The following DCLRE1C variants were observed in gnomAD, a reference collection of about 807,000 sequenced individuals.
DCLRE1C encodes protein artemis.
In DCLRE1C, 47 loss-of-function variants were observed where a neutral mutation model predicts 61.4. The observed-to-expected ratio is 0.77, with a 90% confidence interval of 0.61 to 0.98. DCLRE1C has a LOEUF of 0.98. Among genes scored for constraint, DCLRE1C ranks in the 50% least tolerant of loss-of-function variants. The pLI, the probability that DCLRE1C is intolerant of heterozygous loss-of-function variation, is 0.00. For synonymous variants in DCLRE1C, 337 were observed against 287.6 expected (o/e 1.17, Z -1.74); for missense variants, 858 against 816.0 (o/e 1.05, Z -0.63).
At chr10:14,951,746 T>C (rs1163798737) in intron 1 of DCLRE1C, among the ~76,000 whole-genome samples, 2 of 152,132 alleles carry the variant, frequency 1.3e-5, no homozygotes, top group Non-Finnish European at 2.9e-5. Flanking sequence ...CTCTTCCTTC[T>C]CTTGTAAGGA....
chr10:14,929,096 C>A (rs190394333), intron 9 of DCLRE1C, among the ~76,000 whole-genome samples: 1 of 152,272 alleles, frequency 6.6e-6, no homozygotes, highest in East Asian at 1.9e-4. Flanking sequence ...ACCAGTCTTA[C>A]AACTTTACTG....
chr10:14,934,063 C>G (rs41297038), intron 8 of DCLRE1C, among the ~76,000 whole-genome samples: 12,315 of 152,114 alleles, frequency 0.081, 658 homozygotes, highest in Non-Finnish European at 0.11. Flanking sequence ...AACACTGGCT[C>G]AGGCCTATAA....
intron 13 of DCLRE1C, among the ~76,000 whole-genome samples, chr10:14,915,116 A>G (rs931837209): frequency 1.3e-5 from 2 of 149,890 alleles, no homozygotes; most frequent in African/African-American, 4.8e-5. Context: ...TTGAATGACA[A>G]TGAAAACAAG....
Position 14,904,785 on chromosome 10 carries a change from T to C in DCLRE1C, c.*3623A>G, listed in dbSNP as rs1293218197. ...GTCAACATTTAGCTTATCCATCATA[T>C]TGGTTTCCTGAAGATGTCAGAATTT... On this transcript the variant is annotated 3_prime_UTR_variant, in exon 14 of 14. Coordinates refer to ENST00000378278, the MANE Select transcript of DCLRE1C (RefSeq NM_001033855.3). 6.6e-6 allele frequency among the ~76,000 whole-genome samples: 1 copy of C among 152,200 alleles called. No homozygotes were observed. Among genetic ancestry groups the C allele is most frequent in the African/African-American group, 2.4e-5 (1 of 41,448 alleles).
chr10:14,933,765 A>T (rs41297946), intron 8 of DCLRE1C, among the ~76,000 whole-genome samples: 1 of 152,194 alleles, frequency 6.6e-6, no homozygotes, highest in Non-Finnish European at 1.5e-5. Context: ...GGTCACAATC[A>T]CTAAATTTAT....
chr10:14,944,393 G>C (rs1379181149), intron 3 of DCLRE1C, among the ~76,000 whole-genome samples: 3 of 152,060 alleles, frequency 2.0e-5, no homozygotes, highest in East Asian at 3.9e-4. Flanking sequence ...CAGCTACTTG[G>C]GAGGCTGAGG....
At chr10:14,899,554 G>A in intron 13 of DCLRE1C, 1 of 1,613,966 alleles carries the variant, frequency 6.2e-7, no homozygotes, top group Non-Finnish European at 8.5e-7. Flanking sequence ...CACAAGTGAA[G>A]AAGCTGAAAG....
intron 13 of DCLRE1C, among the ~76,000 whole-genome samples, chr10:14,913,343 T>C (rs556809573): frequency 1.2e-4 from 18 of 152,260 alleles, no homozygotes; most frequent in Non-Finnish European, 2.6e-4. Flanking sequence ...TCTGTTATAC[T>C]AACAGTCGTG....
intron 13 of DCLRE1C, chr10:14,899,553 A>G: frequency 6.2e-7 from 1 of 1,613,970 alleles, no homozygotes; most frequent in Non-Finnish European, 8.5e-7. Flanking sequence ...TCACAAGTGA[A>G]GAAGCTGAAA....
chr10:14,909,671 G>A (rs975369004), intron 13 of DCLRE1C, among the ~76,000 whole-genome samples: 1 of 151,958 alleles, frequency 6.6e-6, no homozygotes, highest in Non-Finnish European at 1.5e-5. Context: ...AGGAAGATAG[G>A]ACCAAATAAT....
intron 1 of DCLRE1C, among the ~76,000 whole-genome samples, chr10:14,951,714 G>A (rs958687357): frequency 6.6e-6 from 1 of 152,058 alleles, no homozygotes; most frequent in South Asian, 2.1e-4. Flanking sequence ...CCTAGGCCCC[G>A]CATGAGGACA....
intron 2 of DCLRE1C, 74 bp from the exon 3 acceptor site, chr10:14,945,263 A>G: frequency 6.8e-7 from 1 of 1,477,112 alleles, no homozygotes; most frequent in Non-Finnish European, 9.3e-7. Context: ...AATCTATTTC[A>G]TCATACATCT....
Position 14,934,469 on chromosome 10 carries a change from T to G in DCLRE1C, c.589A>C (p.Ser197Arg). 1.2e-6 allele frequency: 2 copies of G among 1,614,140 alleles called. No homozygotes were observed. The highest frequency in any genetic ancestry group is 4.5e-5 in the East Asian group (2 of 44,880). Residue 197 changes from serine to arginine, a missense_variant, in exon 8 of 14, where the codon AGC becomes CGC. This residue lies in a region of DCLRE1C where 843 missense variants were observed against 783.5 expected (regional missense o/e 1.08). Coordinates refer to ENST00000378278, the MANE Select transcript of DCLRE1C (RefSeq NM_001033855.3). Reference protein sequence around the residue: ...LELVRSWITRSPYHVVWLNCK... With the variant: ...LELVRSWITRRPYHVVWLNCK... ...TTCAGCCACACAACATGGTACGGGCTCCGAGTGATCCAGCTTCGGACCAGC... is the reference window on the plus strand; with the variant it reads ...TTCAGCCACACAACATGGTACGGGCGCCGAGTGATCCAGCTTCGGACCAGC...
At chr10:14,944,370 G>C (rs1841339868) in intron 3 of DCLRE1C, among the ~76,000 whole-genome samples, 1 of 151,988 alleles carries the variant, frequency 6.6e-6, no homozygotes, top group Non-Finnish European at 1.5e-5. Flanking sequence ...ATGGTGGTGG[G>C]ATTCTGTAGT....
intron 5 of DCLRE1C, 106 bp downstream of exon 5, chr10:14,936,432 G>A (rs569303342): frequency 3.6e-6 from 3 of 843,102 alleles, no homozygotes; most frequent in South Asian, 2.9e-5. Context: ...ACAGACATGT[G>A]CCACTGCACC....
intron 1 of DCLRE1C, among the ~76,000 whole-genome samples, chr10:14,952,346 G>A (rs1382425973): frequency 3.9e-5 from 6 of 152,158 alleles, no homozygotes; most frequent in African/African-American, 1.4e-4. Flanking sequence ...TAACACTTTG[G>A]GAGGCTGAGG....
chr10:14,935,395 C>A (rs139865553), intron 6 of DCLRE1C, 68 bp downstream of exon 6: 1 of 1,538,616 alleles, frequency 6.5e-7, no homozygotes, highest in South Asian at 1.1e-5. Flanking sequence ...GAACTCTGGG[C>A]GACACAGCAA....
Position 14,908,182 on chromosome 10 carries a change from TTTTTTG to T in DCLRE1C, c.*220_*225del. ...ATGCCTGGCTTTTTTTTTTTTTTTT[TTTTTTG>T]TAAGTAGAGACACATTTCACTGTGT... On this transcript the variant is annotated 3_prime_UTR_variant, in exon 14 of 14. Coordinates refer to ENST00000378278, the MANE Select transcript of DCLRE1C (RefSeq NM_001033855.3). 1 of 282,070 alleles carries T rather than the reference TTTTTTG, an allele frequency of 3.5e-6. No homozygotes were observed. Among genetic ancestry groups the T allele is most frequent in the Non-Finnish European group, 6.2e-6 (1 of 160,060 alleles). The allele number at this position is 282,070 out of a possible 1,614,324, so 17.5% of individuals were successfully genotyped here.
At position 14,927,568 on chromosome 10, in the gene DCLRE1C, G is replaced by A. The variant is rs138759908; in HGVS notation, c.917+448C>T. 8.2e-3 allele frequency among the ~76,000 whole-genome samples: 1,186 copies of A among 145,288 alleles called. 23 individuals are homozygous for A. Among genetic ancestry groups the A allele is most frequent in the African/African-American group, 0.028 (1,092 of 38,450 alleles). Reference sequence around the variant, plus strand: ...TAGCCAAGCACTCAGATGGGAGGGAGGGAGTGGGGGGGGAGAAAGGAGAGG... The same window carrying A: ...TAGCCAAGCACTCAGATGGGAGGGAAGGAGTGGGGGGGGAGAAAGGAGAGG... On this transcript the variant is annotated intron_variant, in intron 10 of 13. Transcript: ENST00000378278.
Sources: allele counts gnomAD v4.1 joint callset (sites outside exome capture counted in the v4.1 genomes callset), GRCh38; gene constraint gnomAD v4.1.1; regional missense constraint gnomAD v4.1.1; transcripts MANE v1.5; gene names NCBI Gene and HGNC (gene_info 2026-07-23, HGNC 2026-07-21).